The following TNNI3K variants were observed in gnomAD, a reference collection of about 807,000 sequenced individuals.
The protein encoded by TNNI3K is TNNI3 interacting kinase.
A neutral mutation model predicts 114.5 loss-of-function variants in TNNI3K; 140 were observed. The ratio of observed to expected loss-of-function variants is 1.22; its 90% CI spans 1.07 to 1.41. The LOEUF (loss-of-function observed/expected upper bound fraction) is 1.41. TNNI3K is among the 40% of genes most tolerant of loss of function. The pLI is 0.00. For missense variants in TNNI3K, 1,125 were observed against 1,007.6 expected (o/e 1.12, Z -1.58); for synonymous variants, 347 against 347.5 (o/e 1.00, Z 0.02).
intron 17 of TNNI3K, among the ~76,000 whole-genome samples, chr1:74,407,742 G>A (rs17095270): frequency 0.044 from 6,641 of 152,146 alleles, 201 homozygotes; most frequent in Admixed American, 0.06. Flanking sequence ...TGTGCTATTT[G>A]TACAGAATGG....
intron 5 of TNNI3K, among the ~76,000 whole-genome samples, chr1:74,285,141 T>C (rs576868287): frequency 3.4e-4 from 52 of 152,324 alleles, no homozygotes; most frequent in African/African-American, 1.2e-3. Context: ...CCTTGACTTA[T>C]AAGGCCCGTG....
chr1:74,285,679 A>G (rs1366361288), intron 5 of TNNI3K, among the ~76,000 whole-genome samples: 2 of 152,208 alleles, frequency 1.3e-5, no homozygotes, highest in African/African-American at 2.4e-5. Context: ...TGATTTTTGC[A>G]TACAGTAGAT....
At chr1:74,292,572 A>T (rs1657749000) in intron 5 of TNNI3K, among the ~76,000 whole-genome samples, 1 of 151,598 alleles carries the variant, frequency 6.6e-6, no homozygotes, top group African/African-American at 2.4e-5. Context: ...CTTCGTCATT[A>T]GTTTTCCAGT....
chr1:74,273,210 T>G (rs1156300941), intron 5 of TNNI3K, among the ~76,000 whole-genome samples: 1 of 151,968 alleles, frequency 6.6e-6, no homozygotes, highest in Admixed American at 6.6e-5. Context: ...GCAAAATAGT[T>G]TCCTTCATGT....
Position 74,369,134 on chromosome 1 carries a change from T to A in TNNI3K, c.1414+20T>A, listed in dbSNP as rs200986644. ...GCTCAGGTAACCTAAAATAAATAAA[T>A]AAATAAAGGTCCGGTTTAGTTGAAT... On this transcript the variant is annotated intron_variant, in intron 14 of 24. Transcript: ENST00000326637. The A allele has an allele frequency of 6.3e-7, 1 of 1,598,308 alleles. No individual in the cohort carries two copies. The highest frequency in any genetic ancestry group is 8.5e-7 in the Non-Finnish European group (1 of 1,174,100).
intron 5 of TNNI3K, among the ~76,000 whole-genome samples, chr1:74,284,067 G>A (rs1413132929): frequency 6.6e-6 from 1 of 151,852 alleles, no homozygotes. Flanking sequence ...CAGGAAGACG[G>A]GAAATTCTTC....
chr1:74,442,690 T>C (rs1169806786), intron 20 of TNNI3K, among the ~76,000 whole-genome samples: 2 of 152,116 alleles, frequency 1.3e-5, no homozygotes, highest in African/African-American at 4.8e-5. Context: ...TTATTATACT[T>C]ATCTCTATCT....
chr1:74,312,214 G>A (rs967820806), intron 5 of TNNI3K, among the ~76,000 whole-genome samples: 1 of 152,160 alleles, frequency 6.6e-6, no homozygotes, highest in African/African-American at 2.4e-5. Flanking sequence ...CTCTTTTCTG[G>A]AGATTATTAA....
chr1:74,269,705 A>G (rs1656227088), intron 4 of TNNI3K, among the ~76,000 whole-genome samples: 1 of 151,932 alleles, frequency 6.6e-6, no homozygotes, highest in South Asian at 2.1e-4. Context: ...ATTATAAACG[A>G]TAATTATAAG....
chr1:74,488,743 T>C (rs746107299), intron 21 of TNNI3K, among the ~76,000 whole-genome samples: 8 of 152,192 alleles, frequency 5.3e-5, no homozygotes, highest in Non-Finnish European at 1.0e-4. Context: ...TCTATCATCA[T>C]CTTAGTTTTG....
At chr1:74,363,474 C>T (rs1445051266) in intron 11 of TNNI3K, among the ~76,000 whole-genome samples, 1 of 152,000 alleles carries the variant, frequency 6.6e-6, no homozygotes, top group Non-Finnish European at 1.5e-5. Context: ...GCAAATTGTG[C>T]CACTGTGCTG....
chr1:74,538,138 T>C (rs1283980217), intron 23 of TNNI3K, among the ~76,000 whole-genome samples: 4 of 152,106 alleles, frequency 2.6e-5, no homozygotes, highest in African/African-American at 9.7e-5. Context: ...TGCTCAGCCA[T>C]AGTCATAGAG....
At chr1:74,483,565 A>G (rs1353593499) in intron 21 of TNNI3K, among the ~76,000 whole-genome samples, 1 of 152,232 alleles carries the variant, frequency 6.6e-6, no homozygotes, top group Admixed American at 6.5e-5. Context: ...ATGTTAAAGC[A>G]TTTGACTATA....
chr1:74,537,759 C>T (rs1026165233), intron 23 of TNNI3K, among the ~76,000 whole-genome samples: 6 of 151,928 alleles, frequency 3.9e-5, no homozygotes, highest in African/African-American at 1.2e-4. Flanking sequence ...AGAATTATCA[C>T]GTTCTAGAGG....
chr1:74,481,101 A>T lies in TNNI3K; in HGVS notation c.2122-8088A>T, dbSNP rs1033188082. ...GTAAAAACAATAAACAATACAAAAA[A>T]TGAAAATGATTTTCTGATTTCCAAA... On this transcript the variant is annotated intron_variant, in intron 21 of 24. Coordinates refer to ENST00000326637, the MANE Select transcript of TNNI3K (RefSeq NM_015978.3). The T allele has an allele frequency of 1.7e-5, 10 of 572,736 alleles. No individual in the cohort carries two copies. The African/African-American group carries it at 1.9e-4, about 11-fold the overall frequency. 35.5% of individuals were successfully genotyped at this position (572,736 alleles called of 1,614,324 possible). A position where few individuals can be genotyped will look rare whatever the true frequency, so the allele number is the denominator to read the frequency against.
intron 8 of TNNI3K, 41 bp downstream of exon 8, chr1:74,343,027 T>C: frequency 6.2e-7 from 1 of 1,613,468 alleles, no homozygotes; most frequent in Non-Finnish European, 8.5e-7. Context: ...CCAGGTATAC[T>C]GCATGTACTT....
At chr1:74,340,616 A>T (rs1660703582) in intron 7 of TNNI3K, among the ~76,000 whole-genome samples, 1 of 152,168 alleles carries the variant, frequency 6.6e-6, no homozygotes, top group South Asian at 2.1e-4. Flanking sequence ...CCTAATTTGA[A>T]GTTTACTAAT....
At chr1:74,415,730 T>G (rs184033223) in intron 17 of TNNI3K, among the ~76,000 whole-genome samples, 8 of 149,734 alleles carry the variant, frequency 5.3e-5, no homozygotes, top group African/African-American at 2.0e-4. Flanking sequence ...TAGACTAAAT[T>G]TTCTTTGTTT....
intron 20 of TNNI3K, among the ~76,000 whole-genome samples, chr1:74,459,721 T>C (rs2100714728): frequency 6.6e-6 from 1 of 152,382 alleles, no homozygotes; most frequent in East Asian, 1.9e-4. Flanking sequence ...ATGCCTGTTC[T>C]GTAGCTTTTC....
Sources: allele counts gnomAD v4.1 joint callset (sites outside exome capture counted in the v4.1 genomes callset), GRCh38; gene constraint gnomAD v4.1.1; transcripts MANE v1.5; gene names NCBI Gene and HGNC (gene_info 2026-07-23, HGNC 2026-07-21).